SGIP1: variants seen among roughly 807,000 people sequenced by gnomAD.
SGIP1 encodes SH3-containing GRB2-like protein 3-interacting protein 1.
A neutral mutation model predicts 107.5 loss-of-function variants in SGIP1; 38 were observed. The ratio of observed to expected loss-of-function variants is 0.35; its 90% CI spans 0.27 to 0.46. The LOEUF (loss-of-function observed/expected upper bound fraction) is 0.46. Ranked by LOEUF, SGIP1 falls within the 20% of genes least tolerant of loss-of-function variation. The probability of loss-of-function intolerance (pLI) is 1.00; values close to 1 mark genes in which losing one functional copy is unlikely to be tolerated. For missense variants in SGIP1, 929 were observed against 1,019.5 expected, an observed-to-expected ratio of 0.91 and a Z score of 1.21; for synonymous variants, 365 against 366.1, an observed-to-expected ratio of 1.00 and a Z score of 0.03.
chr1:66,633,166 CTT>C, intron 3 of SGIP1, 72 bp downstream of exon 3: 5 of 1,021,006 alleles, frequency 4.9e-6, no homozygotes, highest in Admixed American at 2.2e-5. Context: ...TCTCAAAGCC[CTT>C]TTTTTTTCCT....
rs982129114 is a variant in SGIP1 at position 66,744,565 on chromosome 1, G to A, written c.*1470G>A. 1 of 151,918 alleles carries A rather than the reference G, an allele frequency of 6.6e-6. No individual in the cohort carries two copies. Among genetic ancestry groups the A allele is most frequent in the Non-Finnish European group, 1.5e-5 (1 of 67,902 alleles). The allele number at this position is 151,918 out of a possible 1,614,324, so 9.4% of individuals were successfully genotyped here. On this transcript the variant is annotated 3_prime_UTR_variant, in exon 25 of 25. Coordinates refer to ENST00000371037, the MANE Select transcript of SGIP1 (RefSeq NM_032291.4). ...TATTAAGTTATTATTTTTATAATTA[G>A]TTGTTAAATTTCATTTTACACCCAC...
At chr1:66,547,022 A>G (rs915344813) in intron 1 of SGIP1, among the ~76,000 whole-genome samples, 1 of 151,874 alleles carries the variant, frequency 6.6e-6, no homozygotes, top group African/African-American at 2.4e-5. Context: ...AAATATTTTG[A>G]AAGCTGTAAA....
At chr1:66,606,159 G>A (rs1457641540) in intron 1 of SGIP1, among the ~76,000 whole-genome samples, 1 of 152,154 alleles carries the variant, frequency 6.6e-6, no homozygotes, top group Non-Finnish European at 1.5e-5. Flanking sequence ...AAATCTTAGT[G>A]CCATTTATTC....
intron 13 of SGIP1, among the ~76,000 whole-genome samples, chr1:66,679,472 T>G (rs2086171395): frequency 6.6e-6 from 1 of 152,210 alleles, no homozygotes; most frequent in Non-Finnish European, 1.5e-5. Context: ...TCTCTTGACG[T>G]TCTCTTATTC....
In SGIP1 at chr1:66,750,694, C is replaced by A. The variant is rs187706505; in HGVS notation, c.*7599C>A. Among the ~76,000 whole-genome samples, 2 of 152,308 alleles carry A rather than the reference C, an allele frequency of 1.3e-5. No homozygotes were observed. The highest frequency in any genetic ancestry group is 2.9e-5 in the Non-Finnish European group (2 of 68,016). ...AAAAGAGTATACTTTTTTCTGACAGCCATTACTGCTTAGTCTGTAATGAAA... is the reference window on the plus strand; with the variant it reads ...AAAAGAGTATACTTTTTTCTGACAGACATTACTGCTTAGTCTGTAATGAAA... On this transcript the variant is annotated 3_prime_UTR_variant, in exon 25 of 25. Coordinates refer to ENST00000371037, the MANE Select transcript of SGIP1 (RefSeq NM_032291.4).
intron 2 of SGIP1, 144 bp from the exon 3 acceptor site, chr1:66,632,926 T>G: frequency 4.3e-6 from 3 of 698,340 alleles, no homozygotes; most frequent in East Asian, 2.6e-5. Flanking sequence ...TTTGTTTTGA[T>G]TTAGTTTTCA....
intron 7 of SGIP1, among the ~76,000 whole-genome samples, chr1:66,651,535 A>T (rs993266746): frequency 6.7e-6 from 1 of 148,654 alleles, no homozygotes; most frequent in Non-Finnish European, 1.5e-5. Context: ...TTTACATACA[A>T]TTTCTGAATG....
intron 2 of SGIP1, among the ~76,000 whole-genome samples, chr1:66,630,644 T>C (rs1436645251): frequency 2.0e-5 from 3 of 150,652 alleles, no homozygotes; most frequent in African/African-American, 4.9e-5. Flanking sequence ...GCTTCTCTAC[T>C]AAAAATACAA....
chr1:66,555,033 GT>G (rs1398462488), intron 1 of SGIP1, among the ~76,000 whole-genome samples: 1 of 152,082 alleles, frequency 6.6e-6, no homozygotes, highest in African/African-American at 2.4e-5. Context: ...TATCTCATAA[GT>G]TCAGTCACCA....
intron 7 of SGIP1, among the ~76,000 whole-genome samples, chr1:66,654,405 G>A (rs1033614510): frequency 1.4e-4 from 21 of 151,936 alleles, no homozygotes; most frequent in Non-Finnish European, 2.8e-4. Context: ...AAAGCCTGAG[G>A]TTTTCAGTCA....
intron 20 of SGIP1, among the ~76,000 whole-genome samples, chr1:66,731,645 G>A (rs2094013607): frequency 4.6e-5 from 7 of 151,990 alleles, no homozygotes; most frequent in Admixed American, 4.6e-4. Context: ...AGACTCTTTA[G>A]TTTCGTTATG....
rs1410803909 is a variant in SGIP1 at position 66,738,414 on chromosome 1, A to G, written c.2032-921A>G. On this transcript the variant is annotated intron_variant, in intron 21 of 24. Transcript: ENST00000371037. ...ACCACTCATCTGATCCCTGCAATGT[A>G]CATGTACTCATGAGAAGTGACTTTC... Among the ~76,000 whole-genome samples, 50 of 152,256 alleles carry G rather than the reference A, an allele frequency of 3.3e-4. 1 individual carries two copies. Among genetic ancestry groups the G allele is most frequent in the Admixed American group, 3.3e-3 (50 of 15,286 alleles).
At chr1:66,679,650 T>C (rs369995911) in intron 13 of SGIP1, 28 bp from the exon 14 acceptor site, 3 of 1,597,886 alleles carry the variant, frequency 1.9e-6, no homozygotes, top group Admixed American at 3.6e-5. Context: ...ACATGACCAA[T>C]GATACTTAAT....
intron 7 of SGIP1, among the ~76,000 whole-genome samples, chr1:66,657,802 A>G (rs2080087761): frequency 6.6e-6 from 1 of 152,160 alleles, no homozygotes; most frequent in Non-Finnish European, 1.5e-5. Context: ...CACTTACTCT[A>G]TTTCTATTTA....
rs528869692 is a variant in SGIP1, at chr1:66,568,219, T to C, written c.10+33851T>C. On this transcript the variant is annotated intron_variant, in intron 1 of 24. Transcript: ENST00000371037. The stretch of plus-strand genomic sequence containing the variant: ...TAGTTCTCCCTGAAGAGGTCCTTCA[T>C]GTCCCTTGTTACCTGTATTCCTAGG... Among the ~76,000 whole-genome samples the C allele has an allele frequency of 2.6e-4, 40 of 152,158 alleles. No homozygotes were observed. The South Asian group carries it at 8.1e-3, about 31-fold the overall frequency.
intron 17 of SGIP1, 182 bp downstream of exon 17, chr1:66,690,498 G>A: frequency 1.4e-6 from 1 of 720,290 alleles, no homozygotes; most frequent in South Asian, 1.9e-5. Context: ...CTTTACCTAA[G>A]CAAATGAACA....
intron 1 of SGIP1, among the ~76,000 whole-genome samples, chr1:66,535,134 T>G (rs1434359810): frequency 6.6e-6 from 1 of 152,210 alleles, no homozygotes; most frequent in Non-Finnish European, 1.5e-5. Context: ...AGATGCTATT[T>G]AAACTATATT....
intron 1 of SGIP1, among the ~76,000 whole-genome samples, chr1:66,544,311 G>T (rs1397248655): frequency 1.3e-5 from 2 of 152,162 alleles, no homozygotes; most frequent in Non-Finnish European, 2.9e-5. Flanking sequence ...CCTGTGAATT[G>T]ATTGGAATTG....
rs1410963736 is a variant in SGIP1 at position 66,746,688 on chromosome 1, T to G, written c.*3593T>G. On this transcript the variant is annotated 3_prime_UTR_variant, in exon 25 of 25. Coordinates refer to ENST00000371037, the MANE Select transcript of SGIP1 (RefSeq NM_032291.4). ...ACACTGAGGCTTAAATAGAATAATC[T>G]CCCCAAAATGACACGGCAGCTGAAA... The G allele has an allele frequency of 6.6e-6, 1 of 151,928 alleles. No homozygotes were observed. Among genetic ancestry groups the G allele is most frequent in the Admixed American group, 6.6e-5 (1 of 15,238 alleles). The allele number at this position is 151,928 out of a possible 1,614,324, so 9.4% of individuals were successfully genotyped here.
Sources: allele counts gnomAD v4.1 joint callset (sites outside exome capture counted in the v4.1 genomes callset), GRCh38; gene constraint gnomAD v4.1.1; transcripts MANE v1.5; gene names NCBI Gene and HGNC (gene_info 2026-07-23, HGNC 2026-07-21).